MBD5: variants seen among roughly 807,000 people sequenced by gnomAD.
The protein encoded by MBD5 is methyl-CpG-binding domain protein 5.
Under a neutral mutation model 117.3 loss-of-function variants are expected in MBD5, and 13 were observed. The ratio of observed to expected loss-of-function variants is 0.11; its 90% CI spans 0.07 to 0.18. The LOEUF (loss-of-function observed/expected upper bound fraction) is 0.18. Among genes scored for constraint, MBD5 ranks in the 10% least tolerant of loss-of-function variants. The probability of loss-of-function intolerance (pLI) is 1.00; values close to 1 mark genes in which losing one functional copy is unlikely to be tolerated. For missense variants in MBD5, 1,879 were observed against 2,093.8 expected (o/e 0.90, Z 2.00); for synonymous variants, 727 against 766.4 (o/e 0.95, Z 0.85).
intron 1 of MBD5, among the ~76,000 whole-genome samples, chr2:148,096,873 C>G (rs1318888103): frequency 6.6e-6 from 1 of 151,784 alleles, no homozygotes; most frequent in East Asian, 1.9e-4. Context: ...AGAGATATAA[C>G]AAAATATTAA....
chr2:148,345,621 ATACACATACATATGTATATACACG>A (rs1375939136), intron 4 of MBD5, among the ~76,000 whole-genome samples: 3,425 of 115,274 alleles, frequency 0.03, 173 homozygotes, highest in African/African-American at 0.058. Flanking sequence ...ATATACACGT[ATACACATACATATGTATATACACG>A]TATACATATA....
At chr2:148,209,421 A>G (rs1699367176) in intron 2 of MBD5, among the ~76,000 whole-genome samples, 2 of 152,254 alleles carry the variant, frequency 1.3e-5, no homozygotes, top group South Asian at 4.2e-4. Flanking sequence ...AAAAGGCACC[A>G]TCTATGAAGA....
intron 4 of MBD5, among the ~76,000 whole-genome samples, chr2:148,394,687 G>A (rs575776201): frequency 6.9e-6 from 1 of 145,624 alleles, no homozygotes; most frequent in East Asian, 2.1e-4. Flanking sequence ...ATTTTTTCTT[G>A]TTATTATTTT....
chr2:148,376,716 A>G (rs1298953343), intron 4 of MBD5, among the ~76,000 whole-genome samples: 1 of 142,214 alleles, frequency 7.0e-6, no homozygotes, highest in Non-Finnish European at 1.5e-5. Flanking sequence ...ATATCCTATT[A>G]TATATCTAAT....
chr2:148,479,980 G>T (rs960881277), intron 8 of MBD5, among the ~76,000 whole-genome samples: 69 of 152,118 alleles, frequency 4.5e-4, no homozygotes, highest in African/African-American at 1.5e-3. Context: ...AGAAGAAAAA[G>T]ACAGAGAGAT....
In MBD5 at chr2:148,410,889, A is replaced by T. The variant is rs572557129; in HGVS notation, c.-556-47314A>T. Among the ~76,000 whole-genome samples, 43 of 152,324 alleles carry T rather than the reference A, an allele frequency of 2.8e-4. No individual in the cohort carries two copies. The East Asian group carries it at 7.7e-3, about 27-fold the overall frequency. On this transcript the variant is annotated intron_variant, in intron 4 of 13. Coordinates refer to ENST00000642680, the MANE Select transcript of MBD5 (RefSeq NM_001378120.1). The stretch of plus-strand genomic sequence containing the variant: ...ACTTTTATTTTAGATTCAGGGGTAC[A>T]TGTGCAGGTTTGTTATATAGGTAAA...
chr2:148,295,006 TG>T (rs1701615283), intron 3 of MBD5, among the ~76,000 whole-genome samples: 2 of 152,236 alleles, frequency 1.3e-5, no homozygotes, highest in Non-Finnish European at 1.5e-5. Context: ...ATTTTCACTT[TG>T]ATGTGTCTGA....
chr2:148,416,879 T>C (rs1397908222), intron 4 of MBD5, among the ~76,000 whole-genome samples: 3 of 152,170 alleles, frequency 2.0e-5, no homozygotes, highest in Non-Finnish European at 4.4e-5. Flanking sequence ...TATTTGGTTT[T>C]TGATTTCTGA....
At chr2:148,075,273 T>C (rs536632922) in intron 1 of MBD5, among the ~76,000 whole-genome samples, 1 of 152,334 alleles carries the variant, frequency 6.6e-6, no homozygotes, top group Non-Finnish European at 1.5e-5. Flanking sequence ...TCTTTGTTTT[T>C]TGATAATCAG....
Position 148,197,016 on chromosome 2 carries a change from C to A in MBD5, c.-831+18223C>A, listed in dbSNP as rs199932928. Among the ~76,000 whole-genome samples, 22 of 152,222 alleles carry A rather than the reference C, an allele frequency of 1.4e-4. 1 individual carries two copies. The East Asian group carries it at 3.5e-3, about 24-fold the overall frequency. On this transcript the variant is annotated intron_variant, in intron 2 of 13. Transcript: ENST00000642680. ...AACCAGCTACAGAAATATTCCAGAT[C>A]CCACATGCTCTTTATATTCTTTATA...
chr2:148,186,221 C>T (rs189609559), intron 2 of MBD5, among the ~76,000 whole-genome samples: 4 of 152,256 alleles, frequency 2.6e-5, no homozygotes, highest in East Asian at 3.9e-4. Context: ...GTGCTGTTCT[C>T]GTGATAGTGA....
chr2:148,127,478 A>C (rs555988856), intron 1 of MBD5, among the ~76,000 whole-genome samples: 2 of 152,304 alleles, frequency 1.3e-5, no homozygotes, highest in South Asian at 4.1e-4. Context: ...AAGTGAGAAC[A>C]TGTGGTATTT....
intron 1 of MBD5, among the ~76,000 whole-genome samples, chr2:148,143,026 A>G (rs569396772): frequency 2.8e-4 from 43 of 152,330 alleles, no homozygotes; most frequent in African/African-American, 1.0e-3. Context: ...AGAGATGGGT[A>G]GAAATGGCAA....
At chr2:148,206,881 C>T (rs549828611) in intron 2 of MBD5, among the ~76,000 whole-genome samples, 114 of 152,142 alleles carry the variant, frequency 7.5e-4, no homozygotes, top group African/African-American at 2.7e-3. Context: ...AATAGCATGG[C>T]ATCAATAATT....
intron 1 of MBD5, among the ~76,000 whole-genome samples, chr2:148,172,781 T>A (rs1188618440): frequency 6.6e-6 from 1 of 152,130 alleles, no homozygotes; most frequent in Non-Finnish European, 1.5e-5. Flanking sequence ...ATAAAAACTC[T>A]GGACTCAGTC....
At chr2:148,452,698 A>G (rs556534769) in intron 4 of MBD5, among the ~76,000 whole-genome samples, 24 of 152,176 alleles carry the variant, frequency 1.6e-4, no homozygotes, top group Non-Finnish European at 2.8e-4. Context: ...TAATCCAATT[A>G]AAATGTGTCT....
chr2:148,281,699 C>T (rs188988659), intron 3 of MBD5, among the ~76,000 whole-genome samples: 1 of 152,014 alleles, frequency 6.6e-6, no homozygotes, highest in Non-Finnish European at 1.5e-5. Context: ...CTATCTCTAT[C>T]TCCTTTTGTT....
At chr2:148,171,456 T>C (rs1698260996) in intron 1 of MBD5, among the ~76,000 whole-genome samples, 1 of 152,120 alleles carries the variant, frequency 6.6e-6, no homozygotes, top group Non-Finnish European at 1.5e-5. Context: ...TGTCACCAAA[T>C]TAGGTATAGA....
At chr2:148,227,889 G>A (rs1162148082) in intron 2 of MBD5, among the ~76,000 whole-genome samples, 1 of 152,168 alleles carries the variant, frequency 6.6e-6, no homozygotes, top group Non-Finnish European at 1.5e-5. Context: ...ATGAATGGGA[G>A]TTCACTCATG....
Sources: allele counts gnomAD v4.1 joint callset (sites outside exome capture counted in the v4.1 genomes callset), GRCh38; gene constraint gnomAD v4.1.1; transcripts MANE v1.5; gene names NCBI Gene and HGNC (gene_info 2026-07-23, HGNC 2026-07-21).